CTNNA2: variants seen among roughly 807,000 people sequenced by gnomAD.
The protein encoded by CTNNA2 is catenin alpha 2.
A neutral mutation model predicts 101.0 loss-of-function variants in CTNNA2; 42 were observed. The observed-to-expected ratio is 0.42, with a 90% CI of 0.32 to 0.54. The LOEUF (loss-of-function observed/expected upper bound fraction) is 0.54, where lower values mean the gene tolerates loss of function less well. Among genes scored for constraint, CTNNA2 ranks in the 20% least tolerant of loss-of-function variants. The pLI is 0.14. For synonymous variants in CTNNA2, 450 were observed against 456.4 expected (o/e 0.99, Z 0.18); for missense variants, 871 against 1,223.1 (o/e 0.71, Z 4.29).
intron 18 of CTNNA2, among the ~76,000 whole-genome samples, chr2:80,624,433 C>T (rs558943893): frequency 1.3e-5 from 2 of 152,002 alleles, no homozygotes; most frequent in East Asian, 3.9e-4. Context: ...TGTTACCTTA[C>T]ACCCATCAAT....
rs35574251 is a variant in CTNNA2 at position 80,152,699 on chromosome 2, TAA to T, written c.1057-240500_1057-240499del. Among the ~76,000 whole-genome samples the T allele has an allele frequency of 4.8e-3, 689 of 143,916 alleles. 3 individuals are homozygous for T. Among genetic ancestry groups the T allele is most frequent in the African/African-American group, 0.016 (635 of 39,904 alleles). 94.4% of individuals were successfully genotyped at this position (143,916 alleles called of 152,430 possible). A position where few individuals can be genotyped will look rare whatever the true frequency, so the allele number is the denominator to read the frequency against. On this transcript the variant is annotated intron_variant, in intron 7 of 18. Transcript: ENST00000402739. Reference sequence around the variant, plus strand: ...GTCACCACCTTGCCTTTATTGTACTTAAAAAAAAAAAAAGATTCAGAAAAATT... The same window carrying T: ...GTCACCACCTTGCCTTTATTGTACTTAAAAAAAAAAAGATTCAGAAAAATT...
chr2:80,518,213 T>C, intron 9 of CTNNA2, among the ~76,000 whole-genome samples: 1 of 152,220 alleles, frequency 6.6e-6, no homozygotes, highest in East Asian at 1.9e-4. Flanking sequence ...TGAAATATTA[T>C]TTAGTTAAAA....
At chr2:80,646,368 T>C (rs761798441) in intron 18 of CTNNA2, among the ~76,000 whole-genome samples, 4 of 152,114 alleles carry the variant, frequency 2.6e-5, no homozygotes, top group African/African-American at 9.7e-5. Flanking sequence ...TACAAGAAGT[T>C]TGATGAAAGA....
At chr2:80,157,824 G>A (rs1704075872) in intron 7 of CTNNA2, among the ~76,000 whole-genome samples, 1 of 152,080 alleles carries the variant, frequency 6.6e-6, no homozygotes, top group Non-Finnish European at 1.5e-5. Context: ...CCACACTTCA[G>A]TTCTGCAACT....
chr2:80,377,301 T>C (rs558943263), intron 7 of CTNNA2, among the ~76,000 whole-genome samples: 7 of 152,210 alleles, frequency 4.6e-5, no homozygotes, highest in Non-Finnish European at 4.4e-5. Context: ...TGCCTTTCCT[T>C]AGGAAGCTTA....
intron 13 of CTNNA2, among the ~76,000 whole-genome samples, chr2:80,580,522 G>C (rs1426478455): frequency 2.6e-5 from 4 of 152,108 alleles, no homozygotes; most frequent in Non-Finnish European, 5.9e-5. Flanking sequence ...AACTAATTTA[G>C]GGATATGGGG....
intron 6 of CTNNA2, among the ~76,000 whole-genome samples, chr2:79,905,173 G>T (rs1396147879): frequency 2.0e-5 from 3 of 152,056 alleles, no homozygotes; most frequent in East Asian, 3.9e-4. Flanking sequence ...TTAAAGTAGA[G>T]ATGTTAATAA....
intron 7 of CTNNA2, among the ~76,000 whole-genome samples, chr2:80,003,289 G>A (rs903205067): frequency 6.6e-6 from 1 of 152,146 alleles, no homozygotes; most frequent in Non-Finnish European, 1.5e-5. Flanking sequence ...TCTTAATTGA[G>A]TTATTACTTC....
In CTNNA2 at chr2:79,987,735, A is replaced by G. The variant is rs959335348; in HGVS notation, c.1056+77938A>G. ...CATTCTCTCTGACATTGTAAAAAAT[A>G]ATACATCTACCACAACCATGTCTAA... On this transcript the variant is annotated intron_variant, in intron 7 of 18. Transcript: ENST00000402739. Among the ~76,000 whole-genome samples, 10 of 152,228 alleles carry G rather than the reference A, an allele frequency of 6.6e-5. 1 individual carries two copies. Among genetic ancestry groups the G allele is most frequent in the Admixed American group, 6.5e-4 (10 of 15,280 alleles).
intron 3 of CTNNA2, among the ~76,000 whole-genome samples, chr2:79,344,155 A>C (rs1194447408): frequency 7.0e-6 from 1 of 142,354 alleles, no homozygotes; most frequent in East Asian, 2.1e-4. Context: ...TTGCCCAGTG[A>C]ATTGTCAAAG....
rs1255518023 is a variant in CTNNA2 at position 79,195,445 on chromosome 2, T to C, written c.-523-2514T>C. Among the ~76,000 whole-genome samples, 3 of 152,202 alleles carry C rather than the reference T, an allele frequency of 2.0e-5. No individual in the cohort carries two copies. In the East Asian group the frequency reaches 5.8e-4, roughly 29 times the overall value. On this transcript the variant is annotated intron_variant, in intron 1 of 21. Transcript: ENST00000466387. ...TTTTGTCCAACCTAAAGCTTGTCTC[T>C]GGTAGTCTTTAGCTGATTAGGCTTT...
chr2:79,299,483 C>T (rs1676057920), intron 2 of CTNNA2, among the ~76,000 whole-genome samples: 1 of 152,182 alleles, frequency 6.6e-6, no homozygotes, highest in Non-Finnish European at 1.5e-5. Context: ...TAGATTAATT[C>T]TCCTTTCCCG....
intron 7 of CTNNA2, among the ~76,000 whole-genome samples, chr2:80,213,894 G>T (rs1708077856): frequency 6.6e-6 from 1 of 152,136 alleles, no homozygotes; most frequent in African/African-American, 2.4e-5. Context: ...GAATCTGGGT[G>T]CTCTAGTATT....
chr2:79,437,713 C>T (rs1678732159), intron 4 of CTNNA2, among the ~76,000 whole-genome samples: 1 of 152,182 alleles, frequency 6.6e-6, no homozygotes, highest in South Asian at 2.1e-4. Context: ...ATGACTGGAC[C>T]TTTCCCAGTG....
At chr2:79,462,533 A>G (rs1421454958) in intron 4 of CTNNA2, among the ~76,000 whole-genome samples, 1 of 152,200 alleles carries the variant, frequency 6.6e-6, no homozygotes, top group Non-Finnish European at 1.5e-5. Flanking sequence ...TTCTACCTAG[A>G]TTCAGAGAAG....
At chr2:79,204,154 T>C (rs189819897) in intron 2 of CTNNA2, among the ~76,000 whole-genome samples, 29 of 152,352 alleles carry the variant, frequency 1.9e-4, no homozygotes, top group African/African-American at 6.3e-4. Flanking sequence ...AATATTGTAC[T>C]TTCCAAATGA....
chr2:80,535,868 A>G (rs967883527), intron 9 of CTNNA2, among the ~76,000 whole-genome samples: 1 of 152,130 alleles, frequency 6.6e-6, no homozygotes, highest in Non-Finnish European at 1.5e-5. Context: ...TGATTCCATA[A>G]TACCTCAGCA....
chr2:79,433,648 A>T (rs1441315688), intron 4 of CTNNA2, among the ~76,000 whole-genome samples: 4 of 118,802 alleles, frequency 3.4e-5, no homozygotes, highest in African/African-American at 3.4e-5. Flanking sequence ...AAAAAAAAAA[A>T]CTCTTGTCCT....
rs1178055313 is a variant in CTNNA2, at chr2:79,910,812, A to T, written c.1056+1015A>T. Among the ~76,000 whole-genome samples, 3 of 152,318 alleles carry T rather than the reference A, an allele frequency of 2.0e-5. No individual in the cohort carries two copies. In the Middle Eastern group the frequency reaches 0.01, roughly 518 times the overall value. On this transcript the variant is annotated intron_variant, in intron 7 of 18. Coordinates refer to ENST00000402739, the MANE Select transcript of CTNNA2 (RefSeq NM_001282597.3). ...CTCCCTCCAGCATCTTACCACTCCC[A>T]TCATGAGTAAAAATATGTAGCTAAC...
Sources: allele counts gnomAD v4.1 joint callset (sites outside exome capture counted in the v4.1 genomes callset), GRCh38; gene constraint gnomAD v4.1.1; transcripts MANE v1.5; gene names NCBI Gene and HGNC (gene_info 2026-07-23, HGNC 2026-07-21).